SPIDR: variants seen among roughly 807,000 people sequenced by gnomAD.
SPIDR encodes scaffold protein involved in DNA repair.
A neutral mutation model predicts 104.6 loss-of-function variants in SPIDR; 93 were observed. The observed-to-expected ratio is 0.89, with a 90% CI of 0.75 to 1.06. The LOEUF (loss-of-function observed/expected upper bound fraction) is 1.06, where lower values mean the gene tolerates loss of function less well. SPIDR is among the 50% of genes least tolerant of loss of function. SPIDR has a pLI of 0.00. For missense variants in SPIDR, 1,154 were observed against 1,111.2 expected (o/e 1.04, Z -0.55); for synonymous variants, 431 against 416.9 (o/e 1.03, Z -0.41).
intron 8 of SPIDR, among the ~76,000 whole-genome samples, chr8:47,488,546 A>C (rs573515895): frequency 1.3e-5 from 2 of 152,060 alleles, no homozygotes; most frequent in African/African-American, 4.8e-5. Context: ...AGAGACACAC[A>C]AAAAAAGACA....
chr8:47,654,466 C>CATAATGATGGT (rs1269933849), intron 10 of SPIDR, among the ~76,000 whole-genome samples: 1 of 152,132 alleles, frequency 6.6e-6, no homozygotes, highest in Non-Finnish European at 1.5e-5. Flanking sequence ...GGGATCTCTG[C>CATAATGATGGT]ATAATGATGG....
intron 8 of SPIDR, among the ~76,000 whole-genome samples, chr8:47,535,994 TAGTC>T (rs763917516): frequency 4.6e-5 from 7 of 152,132 alleles, no homozygotes; most frequent in African/African-American, 9.7e-5. Flanking sequence ...TAATATGTAA[TAGTC>T]AGTTACTTAT....
At chr8:47,539,581 CTGGCCATGTCCTT>C (rs1209182094) in intron 8 of SPIDR, among the ~76,000 whole-genome samples, 1 of 151,936 alleles carries the variant, frequency 6.6e-6, no homozygotes, top group African/African-American at 2.4e-5. Flanking sequence ...GGTGGTTTTT[CTGGCCATGTCCTT>C]TGGCCACTTG....
intron 5 of SPIDR, among the ~76,000 whole-genome samples, chr8:47,294,826 T>C (rs1019619881): frequency 3.1e-4 from 47 of 152,300 alleles, no homozygotes; most frequent in Non-Finnish European, 6.2e-4. Flanking sequence ...GTTAACTCTT[T>C]TCTGCATGTA....
rs543111772 is a variant in SPIDR, at chr8:47,409,932, A to G, written c.877+1971A>G. Reference sequence around the variant, plus strand: ...AGTCCTAACTACTCGAGAGGCTGAGATGTGAGAATTGCTTGAGCCTAGGAG... The same window carrying G: ...AGTCCTAACTACTCGAGAGGCTGAGGTGTGAGAATTGCTTGAGCCTAGGAG... On this transcript the variant is annotated intron_variant, in intron 7 of 19. Coordinates refer to ENST00000297423, the MANE Select transcript of SPIDR (RefSeq NM_001080394.4). Among the ~76,000 whole-genome samples, 417 of 152,184 alleles carry G rather than the reference A, an allele frequency of 2.7e-3. 1 individual carries two copies. Among genetic ancestry groups the G allele is most frequent in the African/African-American group, 9.8e-3 (407 of 41,514 alleles).
chr8:47,634,944 C>T (rs1053071922), intron 10 of SPIDR, among the ~76,000 whole-genome samples: 1 of 152,170 alleles, frequency 6.6e-6, no homozygotes, highest in African/African-American at 2.4e-5. Context: ...CTGTAATGAT[C>T]GATCACCTGG....
chr8:47,482,738 G>T (rs1269917999), intron 8 of SPIDR, among the ~76,000 whole-genome samples: 1 of 152,196 alleles, frequency 6.6e-6, no homozygotes, highest in Non-Finnish European at 1.5e-5. Context: ...TATGAGGGAG[G>T]AGGGCGCAGC....
At chr8:47,422,575 G>T (rs542620491) in intron 7 of SPIDR, among the ~76,000 whole-genome samples, 2 of 152,222 alleles carry the variant, frequency 1.3e-5, no homozygotes, top group East Asian at 1.9e-4. Flanking sequence ...GCGATGTCTC[G>T]CCCTGCTTCG....
chr8:47,384,310 T>C (rs782267608), intron 5 of SPIDR, among the ~76,000 whole-genome samples: 3 of 152,242 alleles, frequency 2.0e-5, no homozygotes, highest in Non-Finnish European at 4.4e-5. Flanking sequence ...TTTGAAAAAG[T>C]ATAGCTTTAC....
intron 5 of SPIDR, among the ~76,000 whole-genome samples, chr8:47,311,894 G>A (rs200371418): frequency 3.9e-5 from 6 of 151,998 alleles, no homozygotes; most frequent in African/African-American, 7.2e-5. Context: ...AACAGTCCCC[G>A]GAGTGTGATG....
At chr8:47,658,047 A>AAG (rs2073228457) in intron 10 of SPIDR, among the ~76,000 whole-genome samples, 1 of 149,624 alleles carries the variant, frequency 6.7e-6, no homozygotes, top group African/African-American at 2.5e-5. Flanking sequence ...AAAAAAAAAA[A>AAG]AAGAAAAAGA....
chr8:47,502,939 G>C (rs1463669912), intron 8 of SPIDR, among the ~76,000 whole-genome samples: 4 of 152,188 alleles, frequency 2.6e-5, no homozygotes, highest in African/African-American at 9.7e-5. Context: ...CCATGTAGTT[G>C]AGCAGTTTTG....
chr8:47,660,985 CATA>C (rs983741113), intron 10 of SPIDR: 17 of 985,144 alleles, frequency 1.7e-5, no homozygotes, highest in Non-Finnish European at 1.9e-5. Context: ...AACAAATTCA[CATA>C]ATCTGGATTG....
At chr8:47,580,019 C>A (rs780855661) in intron 8 of SPIDR, among the ~76,000 whole-genome samples, 1 of 152,188 alleles carries the variant, frequency 6.6e-6, no homozygotes, top group Non-Finnish European at 1.5e-5. Context: ...TATTTAACCT[C>A]CTCCGAAGAT....
chr8:47,574,165 TTTA>T (rs2058823235), intron 8 of SPIDR, among the ~76,000 whole-genome samples: 1 of 152,244 alleles, frequency 6.6e-6, no homozygotes, highest in African/African-American at 2.4e-5. Flanking sequence ...TGTTGATTCT[TTTA>T]TGTTTGTAAT....
Position 47,722,991 on chromosome 8 carries a change from A to G in SPIDR, c.2342-4209A>G, listed in dbSNP as rs187927302. ...GTAACTAGGACTACTGGGATGGCACACACCACCATGCCCAGTTAATTTTTG... is the reference window on the plus strand; with the variant it reads ...GTAACTAGGACTACTGGGATGGCACGCACCACCATGCCCAGTTAATTTTTG... On this transcript the variant is annotated intron_variant, in intron 16 of 19. Coordinates refer to ENST00000297423, the MANE Select transcript of SPIDR (RefSeq NM_001080394.4). Among the ~76,000 whole-genome samples the G allele has an allele frequency of 2.9e-3, 435 of 152,198 alleles. 3 individuals are homozygous for G. Among genetic ancestry groups the G allele is most frequent in the African/African-American group, 0.01 (426 of 41,518 alleles).
At position 47,504,029 on chromosome 8, in the gene SPIDR, TG is replaced by T. The variant is rs1240082753; in HGVS notation, c.1097+63488del. 7.9e-5 allele frequency among the ~76,000 whole-genome samples: 12 copies of T among 152,370 alleles called. No individual in the cohort carries two copies. The East Asian group carries it at 1.2e-3, about 15-fold the overall frequency. The stretch of plus-strand genomic sequence containing the variant: ...GCTGTTAGTCTGATGGGCTTCCCTT[TG>T]TGGGTAACCTCACCTTTCTCTCTGG... On this transcript the variant is annotated intron_variant, in intron 8 of 19. Coordinates refer to ENST00000297423, the MANE Select transcript of SPIDR (RefSeq NM_001080394.4).
intron 8 of SPIDR, among the ~76,000 whole-genome samples, chr8:47,474,119 A>C (rs1470452498): frequency 1.3e-5 from 2 of 152,198 alleles, no homozygotes; most frequent in Non-Finnish European, 2.9e-5. Context: ...GAATCCCTTC[A>C]GCATTCCTTA....
At chr8:47,527,458 C>G (rs530701128) in intron 8 of SPIDR, 1 of 152,468 alleles carries the variant, frequency 6.6e-6, no homozygotes, top group East Asian at 1.9e-4. Flanking sequence ...ATCAGCAAGG[C>G]TCCTGTGTAG....
Sources: gnomAD v4.1 joint callset for allele counts (sites outside exome capture counted in the v4.1 genomes callset) on GRCh38, gnomAD v4.1.1 for gene constraint, MANE v1.5 for transcripts, NCBI Gene and HGNC (gene_info 2026-07-23, HGNC 2026-07-21) for gene names.